Variants in GRID2 observed in about 807,000 individuals in gnomAD.
GRID2 encodes the protein glutamate ionotropic receptor delta type subunit 2, also known as glutamate receptor ionotropic, delta-2.
Under a neutral mutation model 114.8 loss-of-function variants are expected in GRID2, and 33 were observed. That is an observed-to-expected ratio of 0.29 (90% confidence interval 0.22 to 0.38). GRID2 has a LOEUF of 0.38. Among genes scored for constraint, GRID2 ranks in the 10% least tolerant of loss-of-function variants. The probability of loss-of-function intolerance (pLI) is 1.00; values close to 1 mark genes in which losing one functional copy is unlikely to be tolerated. For missense variants in GRID2, 1,184 were observed against 1,257.7 expected, an observed-to-expected ratio of 0.94 and a Z score of 0.89; for synonymous variants, 505 against 449.9, an observed-to-expected ratio of 1.12 and a Z score of -1.55.
chr4:92,924,409 AAAAG>A (rs1299754153), intron 2 of GRID2, among the ~76,000 whole-genome samples: 1 of 152,054 alleles, frequency 6.6e-6, no homozygotes, highest in Non-Finnish European at 1.5e-5. Context: ...TTAAAAAAAA[AAAAG>A]AAATTATTCG....
chr4:93,104,226 T>C (rs1470545293), intron 3 of GRID2, among the ~76,000 whole-genome samples: 1 of 152,176 alleles, frequency 6.6e-6, no homozygotes, highest in Non-Finnish European at 1.5e-5. Flanking sequence ...AAAATATAGT[T>C]CTATGTTAGT....
At chr4:92,703,819 A>T (rs1322041566) in intron 2 of GRID2, among the ~76,000 whole-genome samples, 1 of 152,034 alleles carries the variant, frequency 6.6e-6, no homozygotes, top group Non-Finnish European at 1.5e-5. Flanking sequence ...CAAATAATTT[A>T]CTCAAACTGG....
At chr4:92,819,928 G>A (rs1226967648) in intron 2 of GRID2, among the ~76,000 whole-genome samples, 1 of 152,062 alleles carries the variant, frequency 6.6e-6, no homozygotes, top group Non-Finnish European at 1.5e-5. Context: ...ATTATAATGT[G>A]CTTTCTTTTA....
chr4:92,490,886 G>A (rs7687162), intron 1 of GRID2, among the ~76,000 whole-genome samples: 4 of 151,924 alleles, frequency 2.6e-5, no homozygotes, highest in Non-Finnish European at 5.9e-5. Flanking sequence ...ATCATTAACC[G>A]TAAGTGTTCA....
intron 2 of GRID2, among the ~76,000 whole-genome samples, chr4:92,972,556 A>G (rs1343270454): frequency 6.6e-6 from 1 of 152,104 alleles, no homozygotes; most frequent in Non-Finnish European, 1.5e-5. Context: ...AAAAATATTT[A>G]AAGATCTTAT....
chr4:92,399,246 C>G (rs1048548962), intron 1 of GRID2, among the ~76,000 whole-genome samples: 10 of 152,144 alleles, frequency 6.6e-5, no homozygotes, highest in Non-Finnish European at 1.5e-4. Context: ...GTTGCTCTTT[C>G]CAGAAGTGAG....
chr4:93,287,935 A>G (rs980289358), intron 8 of GRID2, among the ~76,000 whole-genome samples: 4 of 152,370 alleles, frequency 2.6e-5, no homozygotes, highest in African/African-American at 7.2e-5. Context: ...GGATGAAGGC[A>G]TAAATTAGGG....
intron 1 of GRID2, among the ~76,000 whole-genome samples, chr4:92,465,589 T>C (rs1360908281): frequency 3.3e-5 from 5 of 152,128 alleles, no homozygotes; most frequent in Non-Finnish European, 5.9e-5. Flanking sequence ...AAAATTTTCA[T>C]TGAAGAAGAG....
At chr4:92,492,384 G>T (rs1723184571) in intron 1 of GRID2, among the ~76,000 whole-genome samples, 1 of 152,248 alleles carries the variant, frequency 6.6e-6, no homozygotes, top group South Asian at 2.1e-4. Context: ...TTGACAAAAT[G>T]ATGTTTATTA....
At chr4:92,690,578 T>C (rs1032716890) in intron 2 of GRID2, among the ~76,000 whole-genome samples, 1 of 152,210 alleles carries the variant, frequency 6.6e-6, no homozygotes, top group Non-Finnish European at 1.5e-5. Flanking sequence ...GCCAATAGAT[T>C]TGCTTGACGC....
At chr4:92,691,541 C>T (rs955005461) in intron 2 of GRID2, among the ~76,000 whole-genome samples, 3 of 152,108 alleles carry the variant, frequency 2.0e-5, no homozygotes, top group African/African-American at 4.8e-5. Context: ...GCTCATTGTG[C>T]GGTATCCAGT....
chr4:93,407,738 C>CCTT (rs1560588438), intron 9 of GRID2, among the ~76,000 whole-genome samples: 4 of 121,582 alleles, frequency 3.3e-5, no homozygotes, highest in African/African-American at 1.4e-4. Flanking sequence ...TCCTCCTCCT[C>CCTT]CTCCTCCTCC....
intron 14 of GRID2, among the ~76,000 whole-genome samples, chr4:93,695,170 C>CG (rs1726910002): frequency 9.7e-6 from 1 of 102,798 alleles, no homozygotes; most frequent in Non-Finnish European, 1.9e-5. Context: ...GACTCCGTCT[C>CG]GGAAAAAAAA....
chr4:92,520,876 C>T (rs1724735543), intron 1 of GRID2, among the ~76,000 whole-genome samples: 1 of 151,744 alleles, frequency 6.6e-6, no homozygotes. Context: ...AGGATAAGGT[C>T]ATAGGGACAG....
intron 2 of GRID2, among the ~76,000 whole-genome samples, chr4:93,034,492 G>A (rs1724732127): frequency 6.6e-6 from 1 of 152,078 alleles, no homozygotes; most frequent in African/African-American, 2.4e-5. Context: ...ACTCTGCCTG[G>A]GAATGCTTTC....
intron 12 of GRID2, among the ~76,000 whole-genome samples, 180 bp downstream of exon 12, chr4:93,490,957 T>G (rs1429184928): frequency 6.6e-6 from 1 of 151,902 alleles, no homozygotes; most frequent in African/African-American, 2.4e-5. Context: ...AATGCAGTAT[T>G]GGTAGAGCAT....
Position 92,743,258 on chromosome 4 carries a change from C to T in GRID2, c.244+152972C>T, listed in dbSNP as rs116232122. ...TGCCACTGCACTGCAGCCTGGGCAA[C>T]AGAATGAGACCCTGTCTCAACAAAT... On this transcript the variant is annotated intron_variant, in intron 2 of 15. Transcript: ENST00000282020. Among the ~76,000 whole-genome samples, 1,000 of 152,304 alleles carry T rather than the reference C, an allele frequency of 6.6e-3. 12 individuals are homozygous for T. The highest frequency in any genetic ancestry group is 0.022 in the African/African-American group (895 of 41,572).
intron 2 of GRID2, among the ~76,000 whole-genome samples, chr4:92,676,426 T>C (rs930486828): frequency 1.3e-5 from 2 of 151,572 alleles, no homozygotes; most frequent in Admixed American, 1.3e-4. Flanking sequence ...ATGATCTGCC[T>C]GCCTCAGCCT....
intron 1 of GRID2, among the ~76,000 whole-genome samples, chr4:92,315,993 C>CAAA (rs778361565): frequency 0.026 from 1,632 of 61,886 alleles, 75 homozygotes; most frequent in African/African-American, 0.092. Context: ...AAACAAAAAG[C>CAAA]AAAAAAAAAA....
Sources: allele counts gnomAD v4.1 joint callset (sites outside exome capture counted in the v4.1 genomes callset), GRCh38; gene constraint gnomAD v4.1.1; transcripts MANE v1.5; gene names NCBI Gene and HGNC (gene_info 2026-07-23, HGNC 2026-07-21).